The following TRIP11 variants were observed in gnomAD, a reference collection of about 807,000 sequenced individuals.
TRIP11 encodes thyroid receptor-interacting protein 11.
TRIP11 carries 148 observed loss-of-function variants against 223.1 expected under a neutral mutation model. The ratio of observed to expected loss-of-function variants is 0.66; its 90% confidence interval spans 0.58 to 0.76. The LOEUF is 0.76. Among genes scored for constraint, TRIP11 ranks in the 30% least tolerant of loss-of-function variants. The pLI is 0.00. For synonymous variants in TRIP11, 762 were observed against 772.6 expected (o/e 0.99, Z 0.23); for missense variants, 2,043 against 2,222.0 (o/e 0.92, Z 1.62).
In TRIP11 at chr14:92,039,910, G is replaced by A. The variant is rs373648642; in HGVS notation, c.-225C>T. 1.5e-4 allele frequency: 120 copies of A among 792,300 alleles called. No individual in the cohort carries two copies. The African/African-American group carries it at 2.0e-3, about 13-fold the overall frequency. The allele number at this position is 792,300 out of a possible 1,614,324, so 49.1% of individuals were successfully genotyped here. On this transcript the variant is annotated 5_prime_UTR_variant, in exon 1 of 21. Coordinates refer to ENST00000267622, the MANE Select transcript of TRIP11 (RefSeq NM_004239.4). ...CGCCTCTAGTGACACAGTCACCTAC[G>A]GAGGGCCTTCTGCTCATTCCCACGA...
chr14:92,025,864 G>A (rs1337381897), intron 2 of TRIP11, among the ~76,000 whole-genome samples: 1 of 146,920 alleles, frequency 6.8e-6, no homozygotes, highest in African/African-American at 2.6e-5. Flanking sequence ...TGGTGACAGA[G>A]CGAGACTCCG....
Position 91,967,135 on chromosome 14 carries a change from C to CTTTTTTTTGTTTTTTTTTTTTTTTTT in TRIP11, c.*2537_*2538insAAAAAAAAAAAAAAAAACAAAAAAAA, listed in dbSNP as rs2056349130. 1 of 85,354 alleles carries CTTTTTTTTGTTTTTTTTTTTTTTTTT rather than the reference C, an allele frequency of 1.2e-5. No homozygotes were observed. 5.3% of individuals were successfully genotyped at this position (85,354 alleles called of 1,614,324 possible). The stretch of plus-strand genomic sequence containing the variant: ...ACAATGAAAACATTAGGTACTATAG[C>CTTTTTTTTGTTTTTTTTTTTTTTTTT]TTTTTTTTTTTTTTTTTTTTTTTTG... On this transcript the variant is annotated 3_prime_UTR_variant, in exon 21 of 21. Coordinates refer to ENST00000267622, the MANE Select transcript of TRIP11 (RefSeq NM_004239.4).
intron 3 of TRIP11, among the ~76,000 whole-genome samples, chr14:92,023,275 G>T (rs750997041): frequency 3.9e-5 from 6 of 152,144 alleles, no homozygotes; most frequent in Non-Finnish European, 1.5e-5. Flanking sequence ...ATCCTTATCC[G>T]AATGCTTGGG....
intron 15 of TRIP11, among the ~76,000 whole-genome samples, chr14:91,988,900 T>C (rs529444878): frequency 2.0e-5 from 3 of 152,186 alleles, no homozygotes; most frequent in Non-Finnish European, 2.9e-5. Flanking sequence ...CTGAGTTCTA[T>C]TTCTCCTGTC....
In TRIP11 at chr14:91,968,330, G is replaced by A. The variant is rs554428111; in HGVS notation, c.*1343C>T. ...TCCAGATACAGTTAAGTTTCAAGTCGGGATTTTTTTTTTATGATGGGTTTA... is the reference window on the plus strand; with the variant it reads ...TCCAGATACAGTTAAGTTTCAAGTCAGGATTTTTTTTTTATGATGGGTTTA... On this transcript the variant is annotated 3_prime_UTR_variant, in exon 21 of 21. Coordinates refer to ENST00000267622, the MANE Select transcript of TRIP11 (RefSeq NM_004239.4). 3 of 204,462 alleles carry A rather than the reference G, an allele frequency of 1.5e-5. No homozygotes were observed. The highest frequency in any genetic ancestry group is 2.3e-5 in the African/African-American group (1 of 43,070). The allele number at this position is 204,462 out of a possible 1,614,324, so 12.7% of individuals were successfully genotyped here.
chr14:91,998,169 T>G (rs1162008414), intron 13 of TRIP11, among the ~76,000 whole-genome samples: 1 of 152,182 alleles, frequency 6.6e-6, no homozygotes, highest in African/African-American at 2.4e-5. Context: ...GTGTCATAAA[T>G]AGTAAAAAGA....
At position 92,005,522 on chromosome 14, in the gene TRIP11, T is replaced by TTCAA; in HGVS notation, c.2450_2453dup (p.Glu818AspfsTer2). ...GCTTTGAACTTCTTTCTTTAAGCTTTTCAATAAAAATTTCTTTCTTGTTTA... is the reference window on the plus strand; with the variant it reads ...GCTTTGAACTTCTTTCTTTAAGCTTTTCAATCAATAAAAATTTCTTTCTTGTTTA... On this transcript the variant is annotated stop_gained and frameshift_variant, in exon 11 of 21. Coordinates refer to ENST00000267622, the MANE Select transcript of TRIP11 (RefSeq NM_004239.4). LOFTEE classifies it high-confidence loss of function. 6.2e-7 allele frequency: 1 copy of TTCAA among 1,611,728 alleles called. No individual in the cohort carries two copies. Among genetic ancestry groups the TTCAA allele is most frequent in the Admixed American group, 1.7e-5 (1 of 59,570 alleles).
chr14:92,030,999 C>T (rs948663153), intron 2 of TRIP11, among the ~76,000 whole-genome samples: 1 of 152,096 alleles, frequency 6.6e-6, no homozygotes, highest in Non-Finnish European at 1.5e-5. Context: ...CCTGTAATCC[C>T]AGCACTTTCA....
chr14:92,033,135 G>C (rs1336998440), intron 2 of TRIP11, 57 bp downstream of exon 2: 23 of 1,289,928 alleles, frequency 1.8e-5, no homozygotes, highest in Non-Finnish European at 2.3e-5. Flanking sequence ...AGTAATGTTT[G>C]AGTAACCTTC....
rs760729400 is a variant in TRIP11, at chr14:91,978,193, T to G, written c.5261-2004A>C. ...GCCTTTTCTAGCACTATATTCTGAA[T>G]GTAAATAGAACTCAGCAAATAAGTT... On this transcript the variant is annotated intron_variant, in intron 16 of 20. Coordinates refer to ENST00000267622, the MANE Select transcript of TRIP11 (RefSeq NM_004239.4). The surrounding 1 kb of genome is among the most constrained non-coding windows in gnomAD (Gnocchi z 4.4). Among the ~76,000 whole-genome samples, 4 of 152,190 alleles carry G rather than the reference T, an allele frequency of 2.6e-5. No homozygotes were observed. Among genetic ancestry groups the G allele is most frequent in the Non-Finnish European group, 5.9e-5 (4 of 68,026 alleles).
In TRIP11 at chr14:91,978,313, C is replaced by T. The variant is rs2056493790; in HGVS notation, c.5261-2124G>A. On this transcript the variant is annotated intron_variant, in intron 16 of 20. Transcript: ENST00000267622. This position sits in a 1 kb window ranked among gnomAD's most constrained non-coding sequence, Gnocchi z 4.4. ...GCATGGTCTTCTCCTCCTTCCTCCTCCATTCCTCCCCAAGGCTACAGAAAG... is the reference window on the plus strand; with the variant it reads ...GCATGGTCTTCTCCTCCTTCCTCCTTCATTCCTCCCCAAGGCTACAGAAAG... Among the ~76,000 whole-genome samples the T allele has an allele frequency of 6.6e-6, 1 of 152,094 alleles. No individual in the cohort carries two copies. Among genetic ancestry groups the T allele is most frequent in the South Asian group, 2.1e-4 (1 of 4,828 alleles).
At chr14:92,020,199 C>A (rs943155109) in intron 4 of TRIP11, among the ~76,000 whole-genome samples, 2 of 151,708 alleles carry the variant, frequency 1.3e-5, no homozygotes, top group South Asian at 2.1e-4. Context: ...TTGCAGTGAG[C>A]TGAGATGGTG....
At chr14:92,033,306 T>TA (rs2057289264) in intron 1 of TRIP11, 53 bp from the exon 2 acceptor site, 6 of 1,363,344 alleles carry the variant, frequency 4.4e-6, no homozygotes. Flanking sequence ...TATGAAGTAA[T>TA]AAATAGGTAT....
intron 11 of TRIP11, among the ~76,000 whole-genome samples, chr14:92,001,161 T>C (rs949337208): frequency 2.0e-5 from 3 of 152,172 alleles, no homozygotes; most frequent in Non-Finnish European, 2.9e-5. Flanking sequence ...ATGCCCGGTC[T>C]ACAGCCGTTT....
At chr14:92,023,924 C>T (rs1013844943) in intron 3 of TRIP11, among the ~76,000 whole-genome samples, 6 of 150,578 alleles carry the variant, frequency 4.0e-5, no homozygotes, top group South Asian at 4.2e-4. Flanking sequence ...GGCGTGATCT[C>T]AGCTCACTAC....
chr14:92,014,210 T>C lies in TRIP11; in HGVS notation c.1186+5A>G, dbSNP rs373764409. 5.6e-6 allele frequency: 9 copies of C among 1,613,870 alleles called. No homozygotes were observed. Among genetic ancestry groups the C allele is most frequent in the Non-Finnish European group, 7.6e-6 (9 of 1,179,992 alleles). On this transcript the variant is annotated splice_donor_5th_base_variant and intron_variant, in intron 7 of 20. Coordinates refer to ENST00000267622, the MANE Select transcript of TRIP11 (RefSeq NM_004239.4). ...AATCTGAAATAAGTTCCAAAGACTGTATACCAGACAGTGCTTGTTGTAGTC... is the reference window on the plus strand; with the variant it reads ...AATCTGAAATAAGTTCCAAAGACTGCATACCAGACAGTGCTTGTTGTAGTC...
chr14:91,972,658 T>C, intron 20 of TRIP11, 59 bp downstream of exon 20: 2 of 1,531,088 alleles, frequency 1.3e-6, no homozygotes, highest in Non-Finnish European at 1.8e-6. Flanking sequence ...CTGTGAAACA[T>C]AATCATACAT....
At chr14:92,035,122 T>C (rs984074524) in intron 1 of TRIP11, among the ~76,000 whole-genome samples, 2 of 147,742 alleles carry the variant, frequency 1.4e-5, no homozygotes, top group South Asian at 2.2e-4. Context: ...CTGGCCAATA[T>C]GGCAAAACTC....
intron 11 of TRIP11, among the ~76,000 whole-genome samples, chr14:92,000,449 T>C (rs1171013513): frequency 6.6e-6 from 1 of 152,166 alleles, no homozygotes; most frequent in East Asian, 1.9e-4. Flanking sequence ...TGAACTTTAG[T>C]TCAGTAACAC....
Sources: gnomAD v4.1 joint callset for allele counts (sites outside exome capture counted in the v4.1 genomes callset) on GRCh38, gnomAD v4.1.1 for gene constraint, Gnocchi (gnomAD v3.1) non-coding constraint, MANE v1.5 for transcripts, NCBI Gene and HGNC (gene_info 2026-07-23, HGNC 2026-07-21) for gene names.